HS6ST3: variants seen among roughly 807,000 people sequenced by gnomAD.
The protein encoded by HS6ST3 is heparan-sulfate 6-O-sulfotransferase 3.
In HS6ST3, 12 loss-of-function variants were observed where a neutral mutation model predicts 36.7. The observed-to-expected ratio is 0.33, with a 90% CI of 0.21 to 0.53. The LOEUF is 0.53. Ranked by LOEUF, HS6ST3 falls within the 20% of genes least tolerant of loss-of-function variation. HS6ST3 has a pLI of 0.95. For synonymous variants in HS6ST3, 240 were observed against 257.5 expected (o/e 0.93, Z 0.65); for missense variants, 584 against 640.9 (o/e 0.91, Z 0.96).
chr13:96,208,981 TG>T (rs1333016536), intron 1 of HS6ST3, among the ~76,000 whole-genome samples: 1 of 152,228 alleles, frequency 6.6e-6, no homozygotes, highest in Non-Finnish European at 1.5e-5. Flanking sequence ...ACTGCTTCAC[TG>T]AGCCCATTAA....
intron 1 of HS6ST3, among the ~76,000 whole-genome samples, chr13:96,271,944 G>C (rs946266055): frequency 1.3e-5 from 2 of 151,978 alleles, no homozygotes; most frequent in African/African-American, 4.8e-5. Flanking sequence ...AGGGATGATA[G>C]ACAATCTGCT....
chr13:96,375,957 G>A (rs1384382146), intron 1 of HS6ST3, among the ~76,000 whole-genome samples: 1 of 152,016 alleles, frequency 6.6e-6, no homozygotes, highest in East Asian at 1.9e-4. Flanking sequence ...TTACATTTTT[G>A]TCTTCAGTGT....
intron 1 of HS6ST3, among the ~76,000 whole-genome samples, chr13:96,624,104 A>G (rs1305377727): frequency 6.6e-6 from 1 of 152,220 alleles, no homozygotes; most frequent in Non-Finnish European, 1.5e-5. Flanking sequence ...ACAAAACATA[A>G]AATATGTATT....
In HS6ST3 at chr13:96,669,470, T is replaced by C. The variant is rs539094422; in HGVS notation, c.708-163020T>C. Among the ~76,000 whole-genome samples the C allele has an allele frequency of 2.6e-5, 4 of 152,266 alleles. No individual in the cohort carries two copies. In the South Asian group the frequency reaches 8.3e-4, roughly 32 times the overall value. On this transcript the variant is annotated intron_variant, in intron 1 of 1. Coordinates refer to ENST00000376705, the MANE Select transcript of HS6ST3 (RefSeq NM_153456.4). The stretch of plus-strand genomic sequence containing the variant: ...ATGCTGCACCTTCCTCAATGGCCCA[T>C]TTTTCTAGCCGGAACCCATCTGAGC...
intron 1 of HS6ST3, among the ~76,000 whole-genome samples, chr13:96,421,724 G>A (rs938312387): frequency 3.3e-5 from 5 of 151,740 alleles, no homozygotes; most frequent in Admixed American, 1.3e-4. Flanking sequence ...AATGCCTTCC[G>A]TCTCCATGTT....
intron 1 of HS6ST3, among the ~76,000 whole-genome samples, chr13:96,354,566 T>A (rs2055200510): frequency 6.6e-6 from 1 of 152,192 alleles, no homozygotes; most frequent in South Asian, 2.1e-4. Flanking sequence ...TGAAACTCCA[T>A]ATATCTTCAA....
intron 1 of HS6ST3, among the ~76,000 whole-genome samples, chr13:96,140,492 C>T (rs1056951080): frequency 3.3e-5 from 5 of 152,172 alleles, no homozygotes; most frequent in African/African-American, 1.2e-4. Flanking sequence ...CCATGGGACC[C>T]CAATGTAATG....
chr13:96,700,253 G>A (rs1021411450), intron 1 of HS6ST3, among the ~76,000 whole-genome samples: 3 of 152,130 alleles, frequency 2.0e-5, no homozygotes, highest in Non-Finnish European at 2.9e-5. Context: ...GTGGCAGCAG[G>A]CAAGAGAGAA....
intron 1 of HS6ST3, among the ~76,000 whole-genome samples, chr13:96,204,320 G>GCA (rs926281956): frequency 3.3e-5 from 5 of 152,080 alleles, no homozygotes; most frequent in Non-Finnish European, 4.4e-5. Flanking sequence ...ACACAGATAT[G>GCA]CACCCAATAT....
chr13:96,125,573 A>G (rs1036679470), intron 1 of HS6ST3, among the ~76,000 whole-genome samples: 6 of 152,134 alleles, frequency 3.9e-5, no homozygotes, highest in African/African-American at 1.4e-4. Flanking sequence ...AAAATCCTAC[A>G]TAGCATAAGG....
At chr13:96,231,644 G>T (rs1198581150) in intron 1 of HS6ST3, among the ~76,000 whole-genome samples, 1 of 152,100 alleles carries the variant, frequency 6.6e-6, no homozygotes, top group Non-Finnish European at 1.5e-5. Flanking sequence ...CTCTCACATT[G>T]GGATTTACAA....
At chr13:96,202,736 G>A (rs967840741) in intron 1 of HS6ST3, among the ~76,000 whole-genome samples, 3 of 152,140 alleles carry the variant, frequency 2.0e-5, no homozygotes, top group African/African-American at 7.2e-5. Flanking sequence ...GTTACATAGG[G>A]CAATCCTGCT....
At chr13:96,790,018 C>T (rs1288754363) in intron 1 of HS6ST3, among the ~76,000 whole-genome samples, 1 of 151,620 alleles carries the variant, frequency 6.6e-6, no homozygotes, top group East Asian at 1.9e-4. Context: ...CAAGCTTTTT[C>T]CTTTCATTTT....
rs150396139 is a variant in HS6ST3, at chr13:96,091,284, A to C, written c.422A>C (p.Asn141Thr). 2 of 1,613,160 alleles carry C rather than the reference A, an allele frequency of 1.2e-6. No homozygotes were observed. Among genetic ancestry groups the C allele is most frequent in the Non-Finnish European group, 1.7e-6 (2 of 1,179,678 alleles). The change falls in exon 1 of 2, where the codon AAC becomes ACC. Residue 141 changes from asparagine to threonine, a missense_variant. By Grantham distance (65) the Asn-to-Thr change is moderately conservative. This residue lies in a region of HS6ST3 where 217 missense variants were observed against 205.4 expected (regional missense o/e 1.06). Transcript: ENST00000376705. ...LKDLTRFVDF[N>T]IKGRDVIVFL... ...GACCTGACCCGCTTCGTGGATTTCA[A>C]CATCAAAGGGCGCGACGTGATCGTG...
intron 1 of HS6ST3, among the ~76,000 whole-genome samples, chr13:96,343,554 C>T (rs973316001): frequency 1.2e-4 from 18 of 152,162 alleles, no homozygotes; most frequent in African/African-American, 4.3e-4. Flanking sequence ...TCCTTAATTC[C>T]CCTTTGCTGT....
At chr13:96,733,967 C>A (rs753762767) in intron 1 of HS6ST3, among the ~76,000 whole-genome samples, 12 of 152,332 alleles carry the variant, frequency 7.9e-5, no homozygotes, top group Non-Finnish European at 1.8e-4. Flanking sequence ...TTTTCTGTTT[C>A]AATTCAGCCT....
chr13:96,127,410 C>T (rs184816892), intron 1 of HS6ST3, among the ~76,000 whole-genome samples: 1 of 152,320 alleles, frequency 6.6e-6, no homozygotes, highest in Admixed American at 6.5e-5. Flanking sequence ...GTGCAGTTTA[C>T]AATAGGGTTT....
At chr13:96,678,561 G>C (rs954346033) in intron 1 of HS6ST3, among the ~76,000 whole-genome samples, 1 of 151,978 alleles carries the variant, frequency 6.6e-6, no homozygotes, top group Non-Finnish European at 1.5e-5. Flanking sequence ...TGTAATCCCA[G>C]CTACTCGGGA....
intron 1 of HS6ST3, among the ~76,000 whole-genome samples, chr13:96,380,210 T>A (rs1440885318): frequency 6.6e-6 from 1 of 152,138 alleles, no homozygotes; most frequent in Non-Finnish European, 1.5e-5. Context: ...CTCATGTGTT[T>A]GTGTTCCCAG....
Sources: allele counts gnomAD v4.1 joint callset (sites outside exome capture counted in the v4.1 genomes callset), GRCh38; gene constraint gnomAD v4.1.1; regional missense constraint gnomAD v4.1.1; transcripts MANE v1.5; gene names NCBI Gene and HGNC (gene_info 2026-07-23, HGNC 2026-07-21).